DCAF8L2: variants seen among roughly 807,000 people sequenced by gnomAD.
DCAF8L2 encodes the protein DDB1- and CUL4-associated factor 8-like protein 2.
For synonymous variants in DCAF8L2, 200 were observed against 190.9 expected (o/e 1.05, Z -0.39); for missense variants, 430 against 490.7 (o/e 0.88, Z 1.17).
the DCAF8L2 span, chrX:27,517,770 T>C: frequency 2.6e-6 from 3 of 1,143,443 alleles, no homozygotes; most frequent in Non-Finnish European, 3.6e-6. Flanking sequence ...AGCTCTCACA[T>C]TGCTTCAAAC....
the DCAF8L2 span, among the ~76,000 whole-genome samples, chrX:27,567,072 A>T: frequency 2.7e-5 from 3 of 110,448 alleles, no homozygotes; most frequent in African/African-American, 9.8e-5. Context: ...ATTTAGTTTC[A>T]CTCCACCGTG....
At chrX:27,528,851 G>A in the DCAF8L2 span, among the ~76,000 whole-genome samples, 1 of 111,347 alleles carries the variant, frequency 9.0e-6, no homozygotes, top group Non-Finnish European at 1.9e-5. Context: ...AAGAATTTGA[G>A]TTTGAAAACT....
At chrX:27,653,048 C>T (rs912436035) in intron 2 of DCAF8L2, among the ~76,000 whole-genome samples, 1 of 111,454 alleles carries the variant, frequency 9.0e-6, no homozygotes, top group African/African-American at 3.3e-5. Context: ...TGCATTAATT[C>T]ACAGTATAAT....
At chrX:27,559,641 C>T in the DCAF8L2 span, among the ~76,000 whole-genome samples, 4 of 112,029 alleles carry the variant, frequency 3.6e-5, no homozygotes, top group South Asian at 3.8e-4. Context: ...GTGGCTACAT[C>T]GTTCACGTGG....
At chrX:27,606,330 A>G (rs1926886066) in intron 1 of DCAF8L2, among the ~76,000 whole-genome samples, 1 of 72,827 alleles carries the variant, frequency 1.4e-5, no homozygotes, top group Non-Finnish European at 2.7e-5. Context: ...AATTATATAT[A>G]TATATAGGAA....
chrX:27,674,912 A>G (rs942885242), intron 2 of DCAF8L2, among the ~76,000 whole-genome samples: 2 of 111,514 alleles, frequency 1.8e-5, no homozygotes, highest in Admixed American at 1.9e-4. Flanking sequence ...TTTTAAGAGT[A>G]AGCTGAGAAA....
intron 3 of DCAF8L2, among the ~76,000 whole-genome samples, chrX:27,679,320 T>C (rs1254462412): frequency 9.0e-6 from 1 of 110,948 alleles, no homozygotes; most frequent in African/African-American, 3.3e-5. Flanking sequence ...TTTGAGCTTT[T>C]TTTTTTCCTA....
chrX:27,497,541 CTTCCTTCCTTCTTTCT>C, the DCAF8L2 span, among the ~76,000 whole-genome samples: 1 of 78,652 alleles, frequency 1.3e-5, no homozygotes, highest in African/African-American at 7.6e-5. Context: ...TCCTTCCTTC[CTTCCTTCCTTCTTTCT>C]TTCTTTCTTT....
At chrX:27,621,763 C>T (rs749093390) in intron 1 of DCAF8L2, among the ~76,000 whole-genome samples, 8 of 111,161 alleles carry the variant, frequency 7.2e-5, no homozygotes, top group Admixed American at 2.9e-4. Context: ...GAGGCTGAGG[C>T]AGGAGGATAG....
At chrX:27,710,458 ATCTG>A (rs1317370214) in intron 3 of DCAF8L2, among the ~76,000 whole-genome samples, 2 of 111,367 alleles carry the variant, frequency 1.8e-5, no homozygotes, top group African/African-American at 6.5e-5. Flanking sequence ...ATATTCTCTA[ATCTG>A]TTTGTCAGTG....
intron 1 of DCAF8L2, among the ~76,000 whole-genome samples, chrX:27,599,802 T>A (rs1047101835): frequency 1.8e-5 from 2 of 111,844 alleles, no homozygotes; most frequent in African/African-American, 6.5e-5. Flanking sequence ...TCAAGAATTA[T>A]ATGAAACAAT....
At chrX:27,609,320 T>C (rs1224261398) in intron 1 of DCAF8L2, among the ~76,000 whole-genome samples, 1 of 111,570 alleles carries the variant, frequency 9.0e-6, no homozygotes, top group African/African-American at 3.3e-5. Context: ...AAGATTTGAC[T>C]TTCCAGGTCT....
Position 27,747,777 on chromosome X carries a change from T to C in DCAF8L2, c.882T>C (p.Asp294=). 2.5e-6 allele frequency: 3 copies of C among 1,210,247 alleles called. No homozygotes were observed. The highest frequency in any genetic ancestry group is 3.4e-6 in the Non-Finnish European group (3 of 894,211). ...GDSTLAMCAR[D]GQVRVAELIN... ...CCACTCTGGCCATGTGTGCCCGTGA[T>C]GGGCAGGTACGGGTAGCAGAGTTAA... The change falls in exon 5 of 5, where the codon GAT becomes GAC. Residue 294 remains aspartate, a synonymous_variant. Coordinates refer to ENST00000451261, the MANE Select transcript of DCAF8L2 (RefSeq NM_001353450.2).
the DCAF8L2 span, among the ~76,000 whole-genome samples, chrX:27,511,041 TA>T: frequency 9.0e-6 from 1 of 110,965 alleles, no homozygotes; most frequent in Non-Finnish European, 1.9e-5. Flanking sequence ...ATTCAGCTAC[TA>T]AAAAACCCCA....
At chrX:27,637,412 A>G (rs1928547157) in intron 2 of DCAF8L2, among the ~76,000 whole-genome samples, 1 of 111,565 alleles carries the variant, frequency 9.0e-6, no homozygotes, top group Admixed American at 9.6e-5. Context: ...CTCTTACCCA[A>G]TCAGATTGTC....
the DCAF8L2 span, among the ~76,000 whole-genome samples, chrX:27,555,578 G>A: frequency 8.9e-6 from 1 of 112,169 alleles, no homozygotes; most frequent in African/African-American, 3.2e-5. Flanking sequence ...TTCTGTGATT[G>A]TTATTTATTC....
chrX:27,580,328 G>A, the DCAF8L2 span, among the ~76,000 whole-genome samples: 2 of 111,538 alleles, frequency 1.8e-5, no homozygotes, highest in Non-Finnish European at 3.8e-5. Flanking sequence ...AATGAGATGG[G>A]TATGTTTTTT....
intron 2 of DCAF8L2, among the ~76,000 whole-genome samples, chrX:27,659,463 T>C (rs1351634011): frequency 9.0e-6 from 1 of 111,688 alleles, no homozygotes; most frequent in Non-Finnish European, 1.9e-5. Flanking sequence ...TATTACCTCC[T>C]ATCTCCATCC....
chrX:27,682,064 A>C (rs1930347991), intron 3 of DCAF8L2, among the ~76,000 whole-genome samples: 1 of 111,046 alleles, frequency 9.0e-6, no homozygotes, highest in Non-Finnish European at 1.9e-5. Flanking sequence ...CCTGGGCTTG[A>C]ACAATCCTCC....
Sources: gnomAD v4.1 joint callset for allele counts (sites outside exome capture counted in the v4.1 genomes callset) on GRCh38, gnomAD v4.1.1 for gene constraint, MANE v1.5 for transcripts, NCBI Gene and HGNC (gene_info 2026-07-23, HGNC 2026-07-21) for gene names.